The following LDLRAD4 variants were observed in gnomAD, a reference collection of about 807,000 sequenced individuals.
The protein encoded by LDLRAD4 is low density lipoprotein receptor class A domain containing 4, also known as low-density lipoprotein receptor class A domain-containing protein 4.
A neutral mutation model predicts 17.0 loss-of-function variants in LDLRAD4; 5 were observed. That is an observed-to-expected ratio of 0.29 (90% confidence interval 0.15 to 0.62). The LOEUF (loss-of-function observed/expected upper bound fraction) is 0.62. Ranked by LOEUF, LDLRAD4 falls within the 20% of genes least tolerant of loss-of-function variation. The pLI, the probability that LDLRAD4 is intolerant of heterozygous loss-of-function variation, is 0.84. For synonymous variants in LDLRAD4, 168 were observed against 171.8 expected, an observed-to-expected ratio of 0.98 and a Z score of 0.17; for missense variants, 340 against 424.7, an observed-to-expected ratio of 0.80 and a Z score of 1.75.
intron 3 of LDLRAD4, chr18:13,489,632 G>A (rs2093317764): frequency 6.6e-6 from 1 of 152,222 alleles, no homozygotes; most frequent in African/African-American, 2.4e-5. Flanking sequence ...GTTTTTCAGG[G>A]TCAGGGCCTA....
chr18:13,343,137 G>A (rs1268437500), intron 1 of LDLRAD4, among the ~76,000 whole-genome samples: 4 of 151,932 alleles, frequency 2.6e-5, no homozygotes, highest in African/African-American at 9.7e-5. Context: ...CAACGTGCAG[G>A]TTAGTTACAT....
At chr18:13,358,748 A>G (rs563710326) in intron 1 of LDLRAD4, among the ~76,000 whole-genome samples, 2 of 152,298 alleles carry the variant, frequency 1.3e-5, no homozygotes, top group Non-Finnish European at 2.9e-5. Flanking sequence ...GTTTTTCTGT[A>G]ATTGATACTT....
intron 1 of LDLRAD4, chr18:13,240,817 T>G (rs1460657504): frequency 6.6e-6 from 1 of 152,270 alleles, no homozygotes; most frequent in Non-Finnish European, 1.5e-5. Context: ...GAGAGGATAT[T>G]TAAATGAGAC....
At chr18:13,607,269 G>A (rs1191507930) in intron 3 of LDLRAD4, among the ~76,000 whole-genome samples, 1 of 152,186 alleles carries the variant, frequency 6.6e-6, no homozygotes, top group Non-Finnish European at 1.5e-5. Flanking sequence ...CATCTGTAAA[G>A]TGGTAACAAG....
At chr18:13,424,155 A>AG (rs2089734644) in intron 2 of LDLRAD4, among the ~76,000 whole-genome samples, 2 of 150,396 alleles carry the variant, frequency 1.3e-5, no homozygotes, top group African/African-American at 4.9e-5. Context: ...AAAGAAAGAA[A>AG]AAAAAAAACT....
chr18:13,413,145 G>A (rs2088539581), intron 2 of LDLRAD4, among the ~76,000 whole-genome samples: 1 of 152,186 alleles, frequency 6.6e-6, no homozygotes, highest in Non-Finnish European at 1.5e-5. Context: ...AGTGGAGCTT[G>A]GGTCGCATGA....
At chr18:13,490,686 A>G (rs1225518848) in intron 3 of LDLRAD4, 1 of 152,202 alleles carries the variant, frequency 6.6e-6, no homozygotes, top group Non-Finnish European at 1.5e-5. Context: ...ACTCTCTTCA[A>G]CCTTACCTCA....
At chr18:13,489,153 C>CTTTT (rs2093304489) in intron 3 of LDLRAD4, 1 of 127,460 alleles carries the variant, frequency 7.8e-6, no homozygotes, top group Non-Finnish European at 1.7e-5. Flanking sequence ...CCCATTCTTT[C>CTTTT]TTTCTTTTTT....
Position 13,511,865 on chromosome 18 carries a change from A to G in LDLRAD4, c.181+73481A>G, listed in dbSNP as rs2093785813. ...GCCTCCTCTCTGTTTGCTCAGCTTA[A>G]TGCCCCCAAATCAGACTGTATGAGG... is the stretch of plus-strand genomic sequence containing the variant. On this transcript the variant is annotated intron_variant, in intron 3 of 5. Transcript: ENST00000359446. Among the ~76,000 whole-genome samples the G allele has an allele frequency of 4.6e-5, 7 of 152,300 alleles. No homozygotes were observed. In the South Asian group the frequency reaches 1.5e-3, roughly 32 times the overall value.
At chr18:13,631,949 A>G (rs2041701357) in intron 4 of LDLRAD4, among the ~76,000 whole-genome samples, 1 of 152,198 alleles carries the variant, frequency 6.6e-6, no homozygotes, top group Non-Finnish European at 1.5e-5. Context: ...AATACTAAAT[A>G]AAAATTAAAT....
At chr18:13,298,563 G>A (rs1375593170) in intron 1 of LDLRAD4, among the ~76,000 whole-genome samples, 4 of 148,140 alleles carry the variant, frequency 2.7e-5, no homozygotes, top group Non-Finnish European at 3.0e-5. Flanking sequence ...CTCTGGGCAC[G>A]GTGATGGAGC....
At chr18:13,515,617 GT>G (rs2093853145) in intron 3 of LDLRAD4, 1 of 152,180 alleles carries the variant, frequency 6.6e-6, no homozygotes, top group Non-Finnish European at 1.5e-5. Flanking sequence ...ACAAATTCAC[GT>G]TTATGTTTCA....
intron 3 of LDLRAD4, among the ~76,000 whole-genome samples, chr18:13,475,169 T>G (rs1312136631): frequency 6.6e-6 from 1 of 152,224 alleles, no homozygotes; most frequent in Non-Finnish European, 1.5e-5. Context: ...TGCTTGGCAC[T>G]TTCCTCACTA....
chr18:13,640,421 A>T (rs2042444176), intron 4 of LDLRAD4, among the ~76,000 whole-genome samples: 2 of 152,136 alleles, frequency 1.3e-5, no homozygotes, highest in South Asian at 4.1e-4. Context: ...AGGCAGGAAA[A>T]GTTCCCATCT....
intron 2 of LDLRAD4, among the ~76,000 whole-genome samples, chr18:13,417,534 G>T (rs907827163): frequency 2.0e-5 from 3 of 151,260 alleles, no homozygotes; most frequent in African/African-American, 7.3e-5. Context: ...CCGGGTTCAC[G>T]CCATTCTCCT....
At chr18:13,541,494 TCTC>T (rs2094282344) in intron 3 of LDLRAD4, among the ~76,000 whole-genome samples, 1 of 152,130 alleles carries the variant, frequency 6.6e-6, no homozygotes, top group South Asian at 2.1e-4. Context: ...TGAAGAGTGG[TCTC>T]CTCAGGTGGT....
intron 2 of LDLRAD4, among the ~76,000 whole-genome samples, chr18:13,437,869 G>C (rs758501579): frequency 1.2e-4 from 18 of 152,220 alleles, no homozygotes; most frequent in African/African-American, 4.3e-4. Context: ...CCCCATTCTC[G>C]GAAGTGTGGA....
chr18:13,612,551 C>T (rs912979406), intron 3 of LDLRAD4: 1 of 1,447,854 alleles, frequency 6.9e-7, no homozygotes, highest in Non-Finnish European at 9.1e-7. Flanking sequence ...ACACACCCCC[C>T]CCCCCTCCAC....
intron 4 of LDLRAD4, among the ~76,000 whole-genome samples, chr18:13,632,807 T>C (rs2041784639): frequency 6.6e-6 from 1 of 152,268 alleles, no homozygotes; most frequent in Non-Finnish European, 1.5e-5. Flanking sequence ...GAAGCTTCAT[T>C]GAGCAACAGA....
Sources: allele counts gnomAD v4.1 joint callset (sites outside exome capture counted in the v4.1 genomes callset), GRCh38; gene constraint gnomAD v4.1.1; transcripts MANE v1.5; gene names NCBI Gene and HGNC (gene_info 2026-07-23, HGNC 2026-07-21).